ARAP2: variants seen among roughly 807,000 people sequenced by gnomAD.
ARAP2 encodes arf-GAP with Rho-GAP domain, ANK repeat and PH domain-containing protein 2.
A neutral mutation model predicts 194.5 loss-of-function variants in ARAP2; 148 were observed. That is an observed-to-expected ratio of 0.76 (90% CI 0.67 to 0.87). The LOEUF is 0.87. ARAP2 is among the 40% of genes least tolerant of loss of function. The pLI is 0.00. For missense variants in ARAP2, 2,128 were observed against 1,989.7 expected (o/e 1.07, Z -1.32); for synonymous variants, 695 against 683.5 (o/e 1.02, Z -0.26).
At chr4:36,069,981 T>C (rs1726440988) in intron 32 of ARAP2, among the ~76,000 whole-genome samples, 1 of 152,152 alleles carries the variant, frequency 6.6e-6, no homozygotes, top group African/African-American at 2.4e-5. Flanking sequence ...ATGTGCCTGC[T>C]TCCCCTTTGC....
At chr4:36,100,763 T>G (rs1173377226) in intron 27 of ARAP2, among the ~76,000 whole-genome samples, 1 of 152,002 alleles carries the variant, frequency 6.6e-6, no homozygotes, top group Non-Finnish European at 1.5e-5. Flanking sequence ...TCTTACTTTC[T>G]TTTTTTAATT....
exon 7 of ARAP2, chr4:36,015,941 C>T (rs1207546582): frequency 1.3e-5 from 2 of 152,240 alleles, no homozygotes; most frequent in African/African-American, 2.4e-5. Context: ...CCAGCAATTC[C>T]GCTTCCATGG....
intron 6 of ARAP2, among the ~76,000 whole-genome samples, chr4:36,197,620 A>G (rs1578241613): frequency 6.6e-6 from 1 of 152,176 alleles, no homozygotes; most frequent in African/African-American, 2.4e-5. Context: ...AGCTCACGCT[A>G]CCAGCCTGGA....
chr4:36,209,336 A>G, intron 6 of ARAP2: 1 of 447,950 alleles, frequency 2.2e-6, no homozygotes, highest in South Asian at 1.6e-5. Flanking sequence ...TTTTGTCATC[A>G]TAATGTAACC....
intron 4 of ARAP2, among the ~76,000 whole-genome samples, 174 bp downstream of exon 4, chr4:36,213,069 T>C (rs1056261618): frequency 2.0e-5 from 3 of 152,094 alleles, no homozygotes; most frequent in East Asian, 1.9e-4. Flanking sequence ...ATAATGTATA[T>C]TGAAAGAGAC....
intron 1 of ARAP2, among the ~76,000 whole-genome samples, chr4:36,060,458 G>A (rs1357168515): frequency 6.6e-6 from 1 of 151,984 alleles, no homozygotes; most frequent in Non-Finnish European, 1.5e-5. Flanking sequence ...TTAATCATAT[G>A]GTTATTGTAA....
At chr4:36,057,113 T>G (rs1723647898) in intron 2 of ARAP2, among the ~76,000 whole-genome samples, 1 of 152,056 alleles carries the variant, frequency 6.6e-6, no homozygotes, top group Admixed American at 6.5e-5. Context: ...AGCCTTTATT[T>G]TGCCATCTCT....
intron 3 of ARAP2, among the ~76,000 whole-genome samples, chr4:36,047,987 G>C (rs1722093472): frequency 6.6e-6 from 1 of 152,150 alleles, no homozygotes. Flanking sequence ...ATACATTACA[G>C]TGAAGATGGC....
intron 19 of ARAP2, among the ~76,000 whole-genome samples, chr4:36,141,754 G>A (rs1728387665): frequency 1.3e-5 from 2 of 151,596 alleles, no homozygotes; most frequent in African/African-American, 2.4e-5. Context: ...AAAATATAAG[G>A]TTCAAGCTTA....
Position 36,165,056 on chromosome 4 carries a change from T to C in ARAP2, c.2031A>G (p.Ser677=). The change falls in exon 11 of 33, where the codon TCA becomes TCG. Residue 677 remains serine, a synonymous_variant. Coordinates refer to ENST00000303965, the MANE Select transcript of ARAP2 (RefSeq NM_015230.4). ...KQDWIEAVQQ[S]IAETLSDYEV... ...CATAATCAGAGAGAGTTTCTGCTAT[T>C]GATTGCTGCACAGCTTCAATCCAGT... 6.2e-7 allele frequency: 1 copy of C among 1,614,128 alleles called. No homozygotes were observed. Among genetic ancestry groups the C allele is most frequent in the Non-Finnish European group, 8.5e-7 (1 of 1,179,954 alleles).
intron 2 of ARAP2, among the ~76,000 whole-genome samples, chr4:36,228,138 CAT>C (rs1050639190): frequency 2.0e-5 from 3 of 152,152 alleles, no homozygotes; most frequent in African/African-American, 7.2e-5. Context: ...GTTCAATAGA[CAT>C]GTGCTGAATT....
intron 2 of ARAP2, among the ~76,000 whole-genome samples, chr4:36,214,707 T>G (rs768195242): frequency 1.3e-4 from 20 of 152,186 alleles, no homozygotes; most frequent in Admixed American, 2.6e-4. Context: ...ATTTTTGTAT[T>G]TAGACTTTTA....
intron 1 of ARAP2, among the ~76,000 whole-genome samples, chr4:36,236,898 A>G (rs968052077): frequency 6.6e-6 from 1 of 152,218 alleles, no homozygotes; most frequent in Non-Finnish European, 1.5e-5. Context: ...TCTATAATTG[A>G]TCAGTTCTCA....
chr4:36,180,610 C>A (rs1317806703), intron 8 of ARAP2, among the ~76,000 whole-genome samples: 1 of 152,174 alleles, frequency 6.6e-6, no homozygotes. Flanking sequence ...TTTGTGCTAA[C>A]CCATATAAAT....
chr4:36,223,085 CATT>C (rs1220216617), intron 2 of ARAP2, among the ~76,000 whole-genome samples: 2 of 151,972 alleles, frequency 1.3e-5, no homozygotes, highest in African/African-American at 4.8e-5. Flanking sequence ...TAATATACGT[CATT>C]GTTGAGGGGC....
At chr4:36,128,868 T>A in intron 20 of ARAP2, 123 bp from the exon 21 acceptor site, 1 of 779,306 alleles carries the variant, frequency 1.3e-6, no homozygotes, top group South Asian at 1.9e-5. Context: ...ACGCAAGAGA[T>A]GATATAAACA....
At chr4:36,234,744 A>G (rs181437266) in intron 1 of ARAP2, among the ~76,000 whole-genome samples, 6 of 152,350 alleles carry the variant, frequency 3.9e-5, no homozygotes, top group Admixed American at 2.0e-4. Context: ...ACTTATAACA[A>G]CAACTGGACA....
intron 2 of ARAP2, among the ~76,000 whole-genome samples, chr4:36,056,974 CTT>C (rs1723622196): frequency 1.3e-5 from 2 of 150,886 alleles, no homozygotes; most frequent in Admixed American, 1.3e-4. Flanking sequence ...TTCCTTTGCT[CTT>C]TAGTTTTACT....
rs370347206 is a variant in ARAP2 at position 36,041,803 on chromosome 4, G to T, written n.607+4176C>A. 2.4e-4 allele frequency among the ~76,000 whole-genome samples: 36 copies of T among 152,206 alleles called. No individual in the cohort carries two copies. The South Asian group carries it at 3.1e-3, about 13-fold the overall frequency. ...GCCTATTAATGACAGATTGGATAAA[G>T]AAAATGAGGTACATATACACCATGT... On this transcript the variant is annotated intron_variant and non_coding_transcript_variant, in intron 5 of 12. Coordinates refer to the ARAP2 transcript ENST00000503225.
Sources: allele counts gnomAD v4.1 joint callset (sites outside exome capture counted in the v4.1 genomes callset), GRCh38; gene constraint gnomAD v4.1.1; transcripts MANE v1.5; gene names NCBI Gene and HGNC (gene_info 2026-07-23, HGNC 2026-07-21).